IMPG1: variants seen among roughly 807,000 people sequenced by gnomAD.
The protein encoded by IMPG1 is interphotoreceptor matrix proteoglycan 1.
IMPG1 carries 85 observed loss-of-function variants against 92.0 expected under a neutral mutation model. That is an observed-to-expected ratio of 0.92 (90% confidence interval 0.78 to 1.11). The LOEUF is 1.11. IMPG1 is among the 50% of genes least tolerant of loss of function. The probability of loss-of-function intolerance (pLI) is 0.00; values close to 1 mark genes in which losing one functional copy is unlikely to be tolerated. For missense variants in IMPG1, 1,022 were observed against 956.0 expected (o/e 1.07, Z -0.91); for synonymous variants, 367 against 334.1 (o/e 1.10, Z -1.08).
chr6:76,017,698 T>C (rs1387965532), intron 7 of IMPG1, among the ~76,000 whole-genome samples: 4 of 152,210 alleles, frequency 2.6e-5, no homozygotes, highest in South Asian at 2.1e-4. Flanking sequence ...ATAATGTCTT[T>C]CAGTTCAATG....
chr6:75,949,249 G>A (rs563722610), intron 13 of IMPG1, among the ~76,000 whole-genome samples: 11 of 152,202 alleles, frequency 7.2e-5, no homozygotes, highest in South Asian at 2.1e-4. Context: ...AAAGGAAGTC[G>A]GCACAAGACA....
chr6:75,996,936 C>T (rs777831180), intron 12 of IMPG1, among the ~76,000 whole-genome samples: 8 of 152,180 alleles, frequency 5.3e-5, no homozygotes, highest in Non-Finnish European at 1.0e-4. Context: ...AATAATATCT[C>T]TTCACTAGAG....
intron 12 of IMPG1, among the ~76,000 whole-genome samples, chr6:75,973,976 C>G (rs1268432131): frequency 6.6e-6 from 1 of 152,178 alleles, no homozygotes; most frequent in Non-Finnish European, 1.5e-5. Context: ...CAAAAATTAT[C>G]AAGTGCAGTT....
intron 1 of IMPG1, among the ~76,000 whole-genome samples, chr6:76,068,053 C>T (rs923308676): frequency 3.3e-5 from 5 of 151,992 alleles, no homozygotes; most frequent in Admixed American, 1.3e-4. Context: ...TAATTAAAGC[C>T]GTGTATGACA....
chr6:76,070,418 AG>A (rs1382422425), intron 1 of IMPG1, among the ~76,000 whole-genome samples: 2 of 152,304 alleles, frequency 1.3e-5, no homozygotes, highest in East Asian at 3.9e-4. Flanking sequence ...GATTTACCTA[AG>A]AACCAAAAAT....
intron 14 of IMPG1, among the ~76,000 whole-genome samples, chr6:75,943,981 G>A (rs1448888889): frequency 2.6e-5 from 4 of 152,226 alleles, no homozygotes; most frequent in African/African-American, 9.7e-5. Flanking sequence ...TTCTACTACA[G>A]TGCAAATTCC....
At chr6:75,958,198 G>A (rs1279017065) in intron 12 of IMPG1, among the ~76,000 whole-genome samples, 1 of 152,156 alleles carries the variant, frequency 6.6e-6, no homozygotes, top group Non-Finnish European at 1.5e-5. Flanking sequence ...ATTCTTTTAA[G>A]AATGTTGAAT....
intron 12 of IMPG1, among the ~76,000 whole-genome samples, chr6:75,964,482 G>C (rs1045986155): frequency 6.6e-6 from 1 of 152,034 alleles, no homozygotes; most frequent in African/African-American, 2.4e-5. Flanking sequence ...TTCAAGACCA[G>C]ACTGGCTAAC....
intron 1 of IMPG1, among the ~76,000 whole-genome samples, chr6:76,049,684 G>A (rs1357263006): frequency 1.9e-4 from 29 of 152,156 alleles, no homozygotes; most frequent in Admixed American, 1.9e-3. Flanking sequence ...GGTGAGGGTG[G>A]TGGTTTTGTA....
At chr6:76,020,798 C>T (rs2149483140) in intron 6 of IMPG1, among the ~76,000 whole-genome samples, 1 of 152,284 alleles carries the variant, frequency 6.6e-6, no homozygotes, top group South Asian at 2.1e-4. Flanking sequence ...AAATTCTCAT[C>T]AGATGGGTTT....
chr6:75,978,345 A>G (rs1053465482), intron 12 of IMPG1, among the ~76,000 whole-genome samples: 1 of 151,992 alleles, frequency 6.6e-6, no homozygotes, highest in African/African-American at 2.4e-5. Flanking sequence ...TGTTTTCTCT[A>G]TCTTTGCTTT....
chr6:76,034,782 GAC>G lies in IMPG1; in HGVS notation c.305_306del (p.Cys102SerfsTer17). 1 of 1,613,906 alleles carries G rather than the reference GAC, an allele frequency of 6.2e-7. No individual in the cohort carries two copies. The highest frequency in any genetic ancestry group is 8.5e-7 in the Non-Finnish European group (1 of 1,179,886). On this transcript the variant is annotated frameshift_variant, in exon 3 of 17. Transcript: ENST00000369950. LOFTEE classifies it high-confidence loss of function. ...SLQAYYRLRV[C>X]QEAVWEAYRI... ...CGATATGCTTCCCATACTGCTTCCTGACACACTGTAATACAGAGTCATTAATG... is the reference window on the plus strand; with the variant it reads ...CGATATGCTTCCCATACTGCTTCCTGACACTGTAATACAGAGTCATTAATG...
Position 75,921,284 on chromosome 6 carries a change from G to A in IMPG1, c.*805C>T, listed in dbSNP as rs537397967. 3 of 152,316 alleles carry A rather than the reference G, an allele frequency of 2.0e-5. No individual in the cohort carries two copies. In the South Asian group the frequency reaches 6.2e-4, roughly 32 times the overall value. 9.4% of individuals were successfully genotyped at this position (152,316 alleles called of 1,614,324 possible). A position where few individuals can be genotyped will look rare whatever the true frequency, so the allele number is the denominator to read the frequency against. Reference sequence around the variant, plus strand: ...TAGGTATACACACACTAAAGTTGGTGTGAGGAAATATTCTGAAGTTATTAT... The same window carrying A: ...TAGGTATACACACACTAAAGTTGGTATGAGGAAATATTCTGAAGTTATTAT... On this transcript the variant is annotated 3_prime_UTR_variant, in exon 17 of 17. Coordinates refer to ENST00000369950, the MANE Select transcript of IMPG1 (RefSeq NM_001563.4).
intron 1 of IMPG1, among the ~76,000 whole-genome samples, chr6:76,056,199 A>G (rs966755161): frequency 6.6e-6 from 1 of 152,132 alleles, no homozygotes; most frequent in Non-Finnish European, 1.5e-5. Context: ...AAGGCAATTT[A>G]TCACATTAAT....
chr6:76,020,468 G>C (rs769482512), intron 6 of IMPG1, among the ~76,000 whole-genome samples: 7 of 152,174 alleles, frequency 4.6e-5, no homozygotes, highest in Non-Finnish European at 1.0e-4. Flanking sequence ...TTATCTTGTA[G>C]AGCTGGTGAG....
At chr6:75,972,557 C>A (rs1292503922) in intron 12 of IMPG1, among the ~76,000 whole-genome samples, 4 of 152,146 alleles carry the variant, frequency 2.6e-5, no homozygotes, top group African/African-American at 9.7e-5. Context: ...GTGGGTAACT[C>A]CCTTGTTTAC....
At position 76,041,459 on chromosome 6, in the gene IMPG1, A is replaced by G. The variant is rs963316026; in HGVS notation, c.301+434T>C. 2.0e-5 allele frequency among the ~76,000 whole-genome samples: 3 copies of G among 152,234 alleles called. No homozygotes were observed. In the South Asian group the frequency reaches 6.2e-4, roughly 32 times the overall value. On this transcript the variant is annotated intron_variant, in intron 2 of 16. Coordinates refer to ENST00000369950, the MANE Select transcript of IMPG1 (RefSeq NM_001563.4). ...TGCTGGATCATCAATACACAAACTT[A>G]TAAGAGGATCTGGATTGTAATGTTG...
At chr6:76,054,497 GT>G (rs746334641) in intron 1 of IMPG1, among the ~76,000 whole-genome samples, 3 of 152,098 alleles carry the variant, frequency 2.0e-5, no homozygotes, top group Non-Finnish European at 4.4e-5. Context: ...ATGATTTGCT[GT>G]TTTAAGAGGC....
chr6:75,982,717 C>T (rs1562358464), intron 12 of IMPG1, among the ~76,000 whole-genome samples: 1 of 151,860 alleles, frequency 6.6e-6, no homozygotes, highest in Non-Finnish European at 1.5e-5. Flanking sequence ...AGCAAATCAC[C>T]TCTTTTTACT....
Sources: allele counts gnomAD v4.1 joint callset (sites outside exome capture counted in the v4.1 genomes callset), GRCh38; gene constraint gnomAD v4.1.1; transcripts MANE v1.5; gene names NCBI Gene and HGNC (gene_info 2026-07-23, HGNC 2026-07-21).